The following TACR2 variants were observed in gnomAD, a reference collection of about 807,000 sequenced individuals.
The protein encoded by TACR2 is substance-K receptor.
TACR2 carries 24 observed loss-of-function variants against 28.9 expected under a neutral mutation model. The observed-to-expected ratio is 0.83, with a 90% CI of 0.60 to 1.17. The LOEUF (loss-of-function observed/expected upper bound fraction) is 1.17. TACR2 is among the 50% of genes most tolerant of loss of function. The probability of loss-of-function intolerance (pLI) is 0.00; values close to 1 mark genes in which losing one functional copy is unlikely to be tolerated. For synonymous variants in TACR2, 222 were observed against 212.6 expected, an observed-to-expected ratio of 1.04 and a Z score of -0.38; for missense variants, 487 against 524.4, an observed-to-expected ratio of 0.93 and a Z score of 0.70.
rs1010580037 is a variant in TACR2 at position 69,415,963 on chromosome 10, T to C, written c.361A>G (p.Ile121Val). ...GCAGCAATGGCGGTCATGGAGTAGATGCTGACAAACATGGCTGTGATGGGG... is the reference window on the plus strand; with the variant it reads ...GCAGCAATGGCGGTCATGGAGTAGACGCTGACAAACATGGCTGTGATGGGG... ...LFPITAMFVSIYSMTAIAADR... is the reference protein window; with the variant it reads ...LFPITAMFVSVYSMTAIAADR... The change falls in exon 1 of 5, where the codon ATC becomes GTC. Residue 121 changes from isoleucine to valine, a missense_variant. Coordinates refer to ENST00000373306, the MANE Select transcript of TACR2 (RefSeq NM_001057.3). 8.7e-6 allele frequency: 14 copies of C among 1,614,178 alleles called. No individual in the cohort carries two copies. The highest frequency in any genetic ancestry group is 1.6e-4 in the Middle Eastern group (1 of 6,062).
At chr10:69,415,229 CG>C in intron 1 of TACR2, 90 bp from the exon 2 acceptor site, 2 of 1,396,348 alleles carry the variant, frequency 1.4e-6, no homozygotes, top group Non-Finnish European at 1.9e-6. Context: ...CCCAGGCCCA[CG>C]CCTTCTAGCC....
chr10:69,409,942 T>A (rs529430133), intron 2 of TACR2, among the ~76,000 whole-genome samples: 1,768 of 100,770 alleles, frequency 0.018, 55 homozygotes, highest in African/African-American at 0.06. Context: ...TATATATATA[T>A]AATCTGTATC....
At chr10:69,412,471 G>A (rs1840577643) in intron 2 of TACR2, among the ~76,000 whole-genome samples, 1 of 152,136 alleles carries the variant, frequency 6.6e-6, no homozygotes, top group Non-Finnish European at 1.5e-5. Context: ...AGGATCTACA[G>A]GGCCACCTAT....
Position 69,416,066 on chromosome 10 carries a change from A to G in TACR2, c.258T>C (p.Asn86=). 6.2e-7 allele frequency: 1 copy of G among 1,614,248 alleles called. No homozygotes were observed. The highest frequency in any genetic ancestry group is 1.1e-5 in the South Asian group (1 of 91,086). Residue 86 remains asparagine (N), a synonymous_variant, in exon 1 of 5, where the codon AAT becomes AAC. Coordinates refer to ENST00000373306, the MANE Select transcript of TACR2 (RefSeq NM_001057.3). ...TGGCATAGACAAAGTTGAAGGCGGC[A>G]TTGAAGGCAGCCATGCAGAGGTCAG... The part of the protein sequence containing the change: ...ALADLCMAAF[N]AAFNFVYASH...
At position 69,404,793 on chromosome 10, in the gene TACR2, T is replaced by TGCC; in HGVS notation, c.*32_*33insGGC. The TGCC allele has an allele frequency of 8.0e-7, 1 of 1,254,844 alleles. No individual in the cohort carries two copies. Among genetic ancestry groups the TGCC allele is most frequent in the Non-Finnish European group, 1.1e-6 (1 of 911,850 alleles). 77.7% of individuals were successfully genotyped at this position (1,254,844 alleles called of 1,614,324 possible). A position where few individuals can be genotyped will look rare whatever the true frequency, so the allele number is the denominator to read the frequency against. ...TCCCCAATACCCAAACACCTCCCAC[T>TGCC]AACCCCTACCTCCCAACACTGCCAC... On this transcript the variant is annotated 3_prime_UTR_variant, in exon 5 of 5. Transcript: ENST00000373306.
intron 2 of TACR2, among the ~76,000 whole-genome samples, chr10:69,412,905 AC>A: frequency 6.6e-6 from 1 of 152,150 alleles, no homozygotes; most frequent in East Asian, 1.9e-4. Context: ...ATCTTGGCTC[AC>A]TGCAACCTCC....
chr10:69,415,818 C>T, intron 1 of TACR2, 114 bp downstream of exon 1: 1 of 1,277,134 alleles, frequency 7.8e-7, no homozygotes. Context: ...ATTTGGGAAG[C>T]CATTCCCATG....
chr10:69,409,890 C>CATATATATATATATATACACATATACAT (rs1390944288), intron 2 of TACR2, among the ~76,000 whole-genome samples: 1 of 35,350 alleles, frequency 2.8e-5, no homozygotes, highest in East Asian at 8.1e-4. Flanking sequence ...TACATATATA[C>CATATATATATATATATACACATATACAT]ATATATATAT....
Position 69,415,040 on chromosome 10 carries a change from G to C in TACR2, c.492C>G (p.Ser164=). The part of the protein sequence containing the change: ...GIWLVALALA[S]PQCFYSTVTM... ...TGACGGTGGAGTAGAAGCACTGAGG[G>C]GAGGCCAGGGCGAGAGCCACCAGCC... The change falls in exon 2 of 5, where the codon TCC becomes TCG. Residue 164 remains serine, a synonymous_variant. Coordinates refer to ENST00000373306, the MANE Select transcript of TACR2 (RefSeq NM_001057.3). 6.2e-7 allele frequency: 1 copy of C among 1,613,932 alleles called. No homozygotes were observed.
intron 1 of TACR2, 34 bp from the exon 2 acceptor site, chr10:69,415,173 C>A (rs749481857): frequency 1.3e-6 from 2 of 1,588,900 alleles, no homozygotes; most frequent in Middle Eastern, 2.3e-4. Context: ...CGGCAGGGGC[C>A]CTCCTGTTAG....
chr10:69,409,053 G>C lies in TACR2; in HGVS notation c.610C>G (p.Leu204Val). ...ACCGCGAGCGGCAGGAAGTAGATGA[G>C]GGCGATCACCACGAGGTGGTACCTG... ...LLLYHLVVIA[L>V]IYFLPLAVMF... Residue 204 changes from leucine (L) to valine (V), a missense_variant, in exon 3 of 5, where the codon CTC becomes GTC. By Grantham distance (32) the Leu-to-Val change is conservative. Transcript: ENST00000373306. The C allele has an allele frequency of 1.2e-6, 2 of 1,605,482 alleles. No homozygotes were observed. The highest frequency in any genetic ancestry group is 1.7e-6 in the Non-Finnish European group (2 of 1,177,692).
chr10:69,413,981 C>T lies in TACR2; in HGVS notation c.587+964G>A, dbSNP rs78286910. 4.0e-3 allele frequency among the ~76,000 whole-genome samples: 614 copies of T among 152,296 alleles called. 5 individuals carry two copies. The highest frequency in any genetic ancestry group is 0.014 in the Middle Eastern group (4 of 294). ...GAGAAAGCCAGAGGTTCAGAGGTTACGTGAGTGTGAGGCATCCTCCGGCCA... is the reference window on the plus strand; with the variant it reads ...GAGAAAGCCAGAGGTTCAGAGGTTATGTGAGTGTGAGGCATCCTCCGGCCA... On this transcript the variant is annotated intron_variant, in intron 2 of 4. Transcript: ENST00000373306.
chr10:69,415,668 T>C (rs1840608886), intron 1 of TACR2, among the ~76,000 whole-genome samples: 1 of 152,186 alleles, frequency 6.6e-6, no homozygotes, highest in Non-Finnish European at 1.5e-5. Flanking sequence ...GCTAAAACAT[T>C]GCCCACTTCC....
At position 69,404,754 on chromosome 10, in the gene TACR2, T is replaced by A; in HGVS notation, c.*72A>T. ...CTTCAACTGGAAGGCATTAATCTAT[T>A]CATAAGGGATCCATCCCCAATACCC... is the stretch of plus-strand genomic sequence containing the variant. On this transcript the variant is annotated 3_prime_UTR_variant, in exon 5 of 5. Coordinates refer to ENST00000373306, the MANE Select transcript of TACR2 (RefSeq NM_001057.3). 1.4e-6 allele frequency: 1 copy of A among 738,558 alleles called. No homozygotes were observed. Among genetic ancestry groups the A allele is most frequent in the Non-Finnish European group, 2.2e-6 (1 of 461,296 alleles). The allele number at this position is 738,558 out of a possible 1,614,324, so 45.8% of individuals were successfully genotyped here.
chr10:69,408,395 G>C (rs1462037304), intron 3 of TACR2, among the ~76,000 whole-genome samples: 1 of 151,946 alleles, frequency 6.6e-6, no homozygotes, highest in Non-Finnish European at 1.5e-5. Context: ...ATTCTTGGGG[G>C]TATCTGAATT....
Position 69,416,207 on chromosome 10 carries a change from G to A in TACR2, c.117C>T (p.Ala39=). 6.2e-7 allele frequency: 1 copy of A among 1,614,162 alleles called. No individual in the cohort carries two copies. Among genetic ancestry groups the A allele is most frequent in the Non-Finnish European group, 8.5e-7 (1 of 1,180,030 alleles). The change falls in exon 1 of 5, where the codon GCC becomes GCT. Residue 39 remains alanine, a synonymous_variant. Coordinates refer to ENST00000373306, the MANE Select transcript of TACR2 (RefSeq NM_001057.3). ...CGGCCACCAGCACCAGGGCCAGGTA[G>A]GCTGTGGCCCACAGTGCCAGTTGCC... ...PSWQLALWAT[A]YLALVLVAVT...
Position 69,408,868 on chromosome 10 carries a change from GCCCCCC to G in TACR2, c.741+48_741+53del. 17 of 26,728 alleles carry G rather than the reference GCCCCCC, an allele frequency of 6.4e-4. 1 individual carries two copies. The highest frequency in any genetic ancestry group is 2.2e-3 in the South Asian group (1 of 450). 1.7% of individuals were successfully genotyped at this position (26,728 alleles called of 1,614,324 possible). On this transcript the variant is annotated intron_variant, in intron 3 of 4. Transcript: ENST00000373306. The stretch of plus-strand genomic sequence containing the variant: ...CCCCCATGAGGCCTCGCCCCCGCCA[GCCCCCC>G]GCCCCCTCCAGGCCCCGCCCCCTCC...
intron 1 of TACR2, 53 bp from the exon 2 acceptor site, chr10:69,415,192 C>T: frequency 6.4e-7 from 1 of 1,557,016 alleles, no homozygotes; most frequent in Non-Finnish European, 8.7e-7. Flanking sequence ...AGCCCAGCTC[C>T]CTTTCCCCTG....
chr10:69,413,398 G>A (rs1415955100), intron 2 of TACR2, among the ~76,000 whole-genome samples: 1 of 152,208 alleles, frequency 6.6e-6, no homozygotes, highest in African/African-American at 2.4e-5. Context: ...CAGAGAGCTG[G>A]CACGCACAGT....
Sources: allele counts gnomAD v4.1 joint callset (sites outside exome capture counted in the v4.1 genomes callset), GRCh38; gene constraint gnomAD v4.1.1; transcripts MANE v1.5; gene names NCBI Gene and HGNC (gene_info 2026-07-23, HGNC 2026-07-21).